The following ASXL3 variants were observed in gnomAD, a reference collection of about 807,000 sequenced individuals.
ASXL3 encodes putative Polycomb group protein ASXL3.
A neutral mutation model predicts 170.6 loss-of-function variants in ASXL3; 34 were observed. The observed-to-expected ratio is 0.20, with a 90% CI of 0.15 to 0.27. The LOEUF (loss-of-function observed/expected upper bound fraction) is 0.27. ASXL3 is among the 10% of genes least tolerant of loss of function. The probability of loss-of-function intolerance (pLI) is 1.00; values close to 1 mark genes in which losing one functional copy is unlikely to be tolerated. For synonymous variants in ASXL3, 1,002 were observed against 989.1 expected (o/e 1.01, Z -0.24); for missense variants, 2,592 against 2,695.3 (o/e 0.96, Z 0.85).
chr18:33,669,446 G>A (rs2066307062), intron 5 of ASXL3, among the ~76,000 whole-genome samples: 1 of 152,112 alleles, frequency 6.6e-6, no homozygotes, highest in African/African-American at 2.4e-5. Flanking sequence ...GATTTCCCAA[G>A]CCTTTACTTT....
chr18:33,607,885 C>G (rs1486817125), intron 2 of ASXL3, among the ~76,000 whole-genome samples: 1 of 151,912 alleles, frequency 6.6e-6, no homozygotes, highest in Non-Finnish European at 1.5e-5. Context: ...TGGATTGATA[C>G]AGGAGGTACT....
At chr18:33,717,902 G>A (rs888868191) in intron 8 of ASXL3, among the ~76,000 whole-genome samples, 1 of 152,036 alleles carries the variant, frequency 6.6e-6, no homozygotes, top group Non-Finnish European at 1.5e-5. Context: ...CTGCACTTTG[G>A]AAGGTTGTGT....
At chr18:33,716,025 C>A (rs2067158757) in intron 8 of ASXL3, among the ~76,000 whole-genome samples, 1 of 152,158 alleles carries the variant, frequency 6.6e-6, no homozygotes, top group Non-Finnish European at 1.5e-5. Flanking sequence ...TGAATAAAGT[C>A]TCAATGGCAA....
intron 6 of ASXL3, 42 bp from the exon 7 acceptor site, chr18:33,671,705 A>G: frequency 2.0e-6 from 3 of 1,525,258 alleles, no homozygotes; most frequent in Non-Finnish European, 2.7e-6. Flanking sequence ...TTTCAAGGAC[A>G]GCTAGAGAAG....
At chr18:33,738,431 G>A in intron 10 of ASXL3, 56 bp from the exon 11 acceptor site, 2 of 1,483,836 alleles carry the variant, frequency 1.3e-6, no homozygotes, top group Non-Finnish European at 1.8e-6. Flanking sequence ...AGAGATCCCA[G>A]TTGTACCTTT....
At chr18:33,692,737 C>T (rs368745738) in intron 8 of ASXL3, among the ~76,000 whole-genome samples, 5 of 152,032 alleles carry the variant, frequency 3.3e-5, no homozygotes, top group African/African-American at 9.7e-5. Flanking sequence ...AAAGGTTTTC[C>T]GAATGAGTGA....
At chr18:33,638,163 G>A (rs991711577) in intron 2 of ASXL3, among the ~76,000 whole-genome samples, 6 of 148,180 alleles carry the variant, frequency 4.0e-5, no homozygotes, top group African/African-American at 1.3e-4. Context: ...CGCACATAGT[G>A]TGTGTATATA....
At chr18:33,661,408 A>T (rs1265674227) in intron 4 of ASXL3, among the ~76,000 whole-genome samples, 3 of 152,140 alleles carry the variant, frequency 2.0e-5, no homozygotes, top group Admixed American at 1.3e-4. Flanking sequence ...TTAGGACAGG[A>T]AAGCTTAAAA....
intron 8 of ASXL3, among the ~76,000 whole-genome samples, chr18:33,717,220 C>CT (rs1289454830): frequency 6.6e-6 from 1 of 152,046 alleles, no homozygotes; most frequent in Non-Finnish European, 1.5e-5. Context: ...GACCAGCCAG[C>CT]ACTAGAGCAA....
At chr18:33,735,804 T>A (rs879730304) in intron 10 of ASXL3, among the ~76,000 whole-genome samples, 129 of 152,208 alleles carry the variant, frequency 8.5e-4, no homozygotes, top group Admixed American at 3.9e-3. Context: ...CTTTTATTAA[T>A]TTAATGTATT....
intron 2 of ASXL3, among the ~76,000 whole-genome samples, chr18:33,620,204 T>C (rs1331174077): frequency 6.6e-6 from 1 of 152,182 alleles, no homozygotes; most frequent in African/African-American, 2.4e-5. Flanking sequence ...AAATTCATAA[T>C]GTAGTTCTTC....
chr18:33,636,137 G>A (rs2065759914), intron 2 of ASXL3, among the ~76,000 whole-genome samples: 1 of 152,178 alleles, frequency 6.6e-6, no homozygotes, highest in Admixed American at 6.5e-5. Flanking sequence ...GAGCAGACAT[G>A]GGAAACCATA....
At chr18:33,596,495 T>C (rs372345800) in intron 1 of ASXL3, among the ~76,000 whole-genome samples, 2 of 152,206 alleles carry the variant, frequency 1.3e-5, no homozygotes, top group East Asian at 1.9e-4. Flanking sequence ...AACATTTAAG[T>C]AGGCAGAATC....
intron 8 of ASXL3, among the ~76,000 whole-genome samples, chr18:33,716,686 G>A (rs1257566273): frequency 6.6e-6 from 1 of 152,064 alleles, no homozygotes; most frequent in East Asian, 1.9e-4. Context: ...TACCCTTATA[G>A]TGTTCTATAA....
chr18:33,588,206 C>A (rs2065049851), intron 1 of ASXL3, among the ~76,000 whole-genome samples: 1 of 152,016 alleles, frequency 6.6e-6, no homozygotes, highest in Admixed American at 6.6e-5. Flanking sequence ...CGTTATCTAG[C>A]TTATGGGTTG....
At chr18:33,632,793 A>G (rs1307247104) in intron 2 of ASXL3, among the ~76,000 whole-genome samples, 2 of 152,104 alleles carry the variant, frequency 1.3e-5, no homozygotes, top group African/African-American at 4.8e-5. Flanking sequence ...TCTGTCTTCT[A>G]GGTGTATCTC....
chr18:33,588,270 A>C (rs1187075578), intron 1 of ASXL3, among the ~76,000 whole-genome samples: 1 of 152,152 alleles, frequency 6.6e-6, no homozygotes, highest in African/African-American at 2.4e-5. Context: ...TACATGATGC[A>C]GTGCTGAATG....
At chr18:33,651,678 T>C (rs1367006574) in intron 4 of ASXL3, among the ~76,000 whole-genome samples, 1 of 152,096 alleles carries the variant, frequency 6.6e-6, no homozygotes, top group Non-Finnish European at 1.5e-5. Flanking sequence ...TGCTGTACCA[T>C]TTAGGGGATA....
rs555273714 is a variant in ASXL3 at position 33,688,354 on chromosome 18, G to A, written c.879+4786G>A. ...GCTTCGTAGGCAATTAACAGCGCCT[G>A]TTGAAGACAAGTCGAAATTGAGTTT... On this transcript the variant is annotated intron_variant, in intron 8 of 11. Coordinates refer to ENST00000269197, the MANE Select transcript of ASXL3 (RefSeq NM_030632.3). Among the ~76,000 whole-genome samples the A allele has an allele frequency of 2.6e-5, 4 of 152,226 alleles. No individual in the cohort carries two copies. In the South Asian group the frequency reaches 8.3e-4, roughly 31 times the overall value.
Sources: gnomAD v4.1 joint callset for allele counts (sites outside exome capture counted in the v4.1 genomes callset) on GRCh38, gnomAD v4.1.1 for gene constraint, MANE v1.5 for transcripts, NCBI Gene and HGNC (gene_info 2026-07-23, HGNC 2026-07-21) for gene names.